ANK1: variants seen among roughly 807,000 people sequenced by gnomAD.
ANK1 encodes the protein ankyrin 1, also known as ankyrin-1.
In ANK1, 51 loss-of-function variants were observed where a neutral mutation model predicts 210.4. The ratio of observed to expected loss-of-function variants is 0.24; its 90% confidence interval spans 0.19 to 0.31. ANK1 has a LOEUF of 0.31. Among genes scored for constraint, ANK1 ranks in the 10% least tolerant of loss-of-function variants. The probability of loss-of-function intolerance (pLI) is 1.00; values close to 1 mark genes in which losing one functional copy is unlikely to be tolerated. For missense variants in ANK1, 2,051 were observed against 2,504.4 expected (o/e 0.82, Z 3.86); for synonymous variants, 967 against 1,025.9 (o/e 0.94, Z 1.10).
intron 38 of ANK1, among the ~76,000 whole-genome samples, chr8:41,671,333 A>G (rs1302064654): frequency 2.6e-5 from 4 of 152,138 alleles, no homozygotes; most frequent in Admixed American, 2.6e-4. Context: ...GTGACTGCAC[A>G]CAAATAACTT....
intron 39 of ANK1, 129 bp downstream of exon 39, chr8:41,668,138 C>T (rs1811134763): frequency 3.0e-6 from 4 of 1,341,394 alleles, no homozygotes; most frequent in Non-Finnish European, 4.2e-6. Context: ...ACGGAAGCAC[C>T]ACCACAAGTG....
chr8:41,691,498 G>A lies in ANK1; in HGVS notation c.3859-899C>T, dbSNP rs139747600. Among the ~76,000 whole-genome samples, 88 of 152,298 alleles carry A rather than the reference G, an allele frequency of 5.8e-4. 1 individual carries two copies. In the East Asian group the frequency reaches 0.017, roughly 29 times the overall value. ...CCTCAGCCTTCCCCAGGAAAACTCAGTGCAGATTCTGAGGATTAGATCACT... is the reference window on the plus strand; with the variant it reads ...CCTCAGCCTTCCCCAGGAAAACTCAATGCAGATTCTGAGGATTAGATCACT... On this transcript the variant is annotated intron_variant, in intron 31 of 42. Coordinates refer to ENST00000289734, the MANE Select transcript of ANK1 (RefSeq NM_000037.4).
At chr8:41,880,880 T>G (rs1817465198) in intron 1 of ANK1, among the ~76,000 whole-genome samples, 1 of 152,250 alleles carries the variant, frequency 6.6e-6, no homozygotes, top group Non-Finnish European at 1.5e-5. Flanking sequence ...TATCGCAGGC[T>G]CTGCACTTTG....
chr8:41,661,648 G>A lies in ANK1; in HGVS notation c.5545-84C>T, dbSNP rs757911252. The A allele has an allele frequency of 6.4e-5, 103 of 1,603,530 alleles. No homozygotes were observed. The Middle Eastern group carries it at 1.3e-3, about 21-fold the overall frequency. ...GCAGAAGATCGAAAGGAGGCCACAC[G>A]GAGGTGGCAGACACACTGCCCACCA... On this transcript the variant is annotated intron_variant, in intron 41 of 42. Transcript: ENST00000289734.
intron 39 of ANK1, chr8:41,665,658 G>A: frequency 9.2e-6 from 2 of 217,256 alleles, no homozygotes. Context: ...TGGGTACTTA[G>A]CGGTCTGTTT....
chr8:41,699,233 G>A (rs79601857), intron 23 of ANK1, among the ~76,000 whole-genome samples: 3,093 of 152,238 alleles, frequency 0.02, 109 homozygotes, highest in African/African-American at 0.069. Flanking sequence ...TGGAAGAGGA[G>A]CAGAGAGGCG....
At chr8:41,844,202 G>A (rs1193429281) in intron 1 of ANK1, among the ~76,000 whole-genome samples, 1 of 152,236 alleles carries the variant, frequency 6.6e-6, no homozygotes. Flanking sequence ...GAGGGCATCT[G>A]TGCCCTGCCC....
chr8:41,853,387 A>G (rs1354258757), intron 1 of ANK1, among the ~76,000 whole-genome samples: 1 of 152,232 alleles, frequency 6.6e-6, no homozygotes, highest in Admixed American at 6.5e-5. Context: ...AGAAGGAGGG[A>G]AAAATAGCAA....
intron 1 of ANK1, among the ~76,000 whole-genome samples, chr8:41,796,691 T>C (rs1376746528): frequency 6.6e-6 from 1 of 151,084 alleles, no homozygotes; most frequent in African/African-American, 2.4e-5. Context: ...TAAACCAGAC[T>C]CCTTTTCACT....
chr8:41,781,619 G>A (rs2150748012), intron 1 of ANK1, among the ~76,000 whole-genome samples: 1 of 152,346 alleles, frequency 6.6e-6, no homozygotes, highest in African/African-American at 2.4e-5. Context: ...TGGCAGAGGT[G>A]GCACCAGAGA....
At chr8:41,706,055 T>C (rs1824480922) in intron 18 of ANK1, 88 bp downstream of exon 18, 1 of 1,313,162 alleles carries the variant, frequency 7.6e-7, no homozygotes, top group Non-Finnish European at 1.1e-6. Context: ...CCACTGGGTC[T>C]TTGGGGTTTC....
chr8:41,799,325 A>G (rs1345417677), upstream of ANK1, among the ~76,000 whole-genome samples: 2 of 152,198 alleles, frequency 1.3e-5, no homozygotes, highest in South Asian at 2.1e-4. Context: ...ATGAGGGGGC[A>G]GCGTGGCATG....
chr8:41,659,390 A>G (rs183048072), intron 42 of ANK1, among the ~76,000 whole-genome samples: 45 of 152,340 alleles, frequency 3.0e-4, no homozygotes, highest in African/African-American at 1.1e-3. Context: ...GGGCGACTCA[A>G]ACTTTCTGCC....
intron 16 of ANK1, among the ~76,000 whole-genome samples, chr8:41,712,975 A>G (rs1448450515): frequency 6.6e-6 from 1 of 152,184 alleles, no homozygotes; most frequent in African/African-American, 2.4e-5. Context: ...CAGCAGGGAC[A>G]GGAGGAGACA....
Position 41,688,507 on chromosome 8 carries a change from G to A in ANK1, c.4183+4C>T, listed in dbSNP as rs745597765. The A allele has an allele frequency of 1.6e-5, 26 of 1,613,674 alleles. No individual in the cohort carries two copies. The highest frequency in any genetic ancestry group is 1.3e-4 in the East Asian group (6 of 44,898). Reference sequence around the variant, plus strand: ...AAGCATGCATCATCACACAGAGGCCGTACCTGGTGTGGACTCACTGAGAAT... The same window carrying A: ...AAGCATGCATCATCACACAGAGGCCATACCTGGTGTGGACTCACTGAGAAT... On this transcript the variant is annotated splice_donor_region_variant and intron_variant, in intron 34 of 42. Transcript: ENST00000289734.
At chr8:41,850,239 A>T (rs546944008) in intron 1 of ANK1, among the ~76,000 whole-genome samples, 18 of 152,300 alleles carry the variant, frequency 1.2e-4, no homozygotes, top group African/African-American at 4.3e-4. Flanking sequence ...CCATGGGCTA[A>T]AAGTTCCGCC....
chr8:41,858,822 A>G (rs902961138), intron 1 of ANK1, among the ~76,000 whole-genome samples: 2 of 152,254 alleles, frequency 1.3e-5, no homozygotes, highest in African/African-American at 4.8e-5. Flanking sequence ...TATCAGGGTG[A>G]CTGGCAGGGA....
intron 1 of ANK1, among the ~76,000 whole-genome samples, chr8:41,784,016 T>C (rs1378974087): frequency 6.7e-6 from 1 of 148,982 alleles, no homozygotes; most frequent in Non-Finnish European, 1.5e-5. Context: ...ATCACTGCAC[T>C]CCAGCCTAGG....
rs962540439 is a variant in ANK1, at chr8:41,653,731, G to C, written c.*2059C>G. 1 of 152,278 alleles carries C rather than the reference G, an allele frequency of 6.6e-6. No homozygotes were observed. The highest frequency in any genetic ancestry group is 1.5e-5 in the Non-Finnish European group (1 of 68,060). 9.4% of individuals were successfully genotyped at this position (152,278 alleles called of 1,614,324 possible). On this transcript the variant is annotated 3_prime_UTR_variant, in exon 43 of 43. Transcript: ENST00000289734. The stretch of plus-strand genomic sequence containing the variant: ...CCGGGATGGGGGAGGATGGAGGGGG[G>C]CGCCTCTGCGCCCTGGAGGCCGGGC...
Sources: allele counts gnomAD v4.1 joint callset (sites outside exome capture counted in the v4.1 genomes callset), GRCh38; gene constraint gnomAD v4.1.1; transcripts MANE v1.5; gene names NCBI Gene and HGNC (gene_info 2026-07-23, HGNC 2026-07-21).